Variants in ZNF777 observed in about 807,000 individuals in gnomAD.
ZNF777 encodes zinc finger protein 777.
ZNF777 carries 7 observed loss-of-function variants against 72.1 expected under a neutral mutation model. The observed-to-expected ratio is 0.10, with a 90% CI of 0.06 to 0.18. The LOEUF (loss-of-function observed/expected upper bound fraction) is 0.18, where lower values mean the gene tolerates loss of function less well. Ranked by LOEUF, ZNF777 falls within the 10% of genes least tolerant of loss-of-function variation. The pLI is 1.00. For missense variants in ZNF777, 828 were observed against 1,128.6 expected (o/e 0.73, Z 3.82); for synonymous variants, 545 against 483.5 (o/e 1.13, Z -1.67).
Position 149,432,537 on chromosome 7 carries a change from A to C in ZNF777, c.1735T>G (p.Cys579Gly). The change falls in exon 6 of 6, where the codon TGC becomes GGC. Residue 579 changes from cysteine to glycine, a missense_variant. Cys to Gly is a radical substitution (Grantham distance 159). Around this residue, in one of 12 missense-constraint regions of ZNF777, gnomAD observed 100 missense variants for 106.2 expected, o/e 0.94. Transcript: ENST00000247930. ...TGCTTGTGCCGGAAGCTGATCTCGC[A>C]TTCGGCGCACTCGTAGGGCCCCTCC... ...IKEGPYECAE[C>G]EISFRHKQQL... 1 of 1,613,778 alleles carries C rather than the reference A, an allele frequency of 6.2e-7. No individual in the cohort carries two copies. The highest frequency in any genetic ancestry group is 8.5e-7 in the Non-Finnish European group (1 of 1,179,864).
At chr7:149,448,998 T>C (rs1248328337) in intron 4 of ZNF777, among the ~76,000 whole-genome samples, 1 of 152,242 alleles carries the variant, frequency 6.6e-6, no homozygotes, top group Non-Finnish European at 1.5e-5. Flanking sequence ...TCTGGACTTT[T>C]ACCCCTTTGT....
In ZNF777 at chr7:149,431,471, C is replaced by T; in HGVS notation, c.*305G>A. 1 of 447,052 alleles carries T rather than the reference C, an allele frequency of 2.2e-6. No individual in the cohort carries two copies. Among genetic ancestry groups the T allele is most frequent in the Non-Finnish European group, 4.5e-6 (1 of 223,044 alleles). The allele number at this position is 447,052 out of a possible 1,614,324, so 27.7% of individuals were successfully genotyped here. On this transcript the variant is annotated 3_prime_UTR_variant, in exon 6 of 6. Coordinates refer to ENST00000247930, the MANE Select transcript of ZNF777 (RefSeq NM_015694.3). ...GGCCCTACACCGCCCCTCTGAGTGG[C>T]CGGCGGCCAAATCACGCCCCCCGTG... is the stretch of plus-strand genomic sequence containing the variant.
At position 149,456,184 on chromosome 7, in the gene ZNF777, C is replaced by T. The variant is rs536698506; in HGVS notation, c.-15-147G>A. ...CTCATATGTGAATCTCTTCTAGAGA[C>T]CACAGCACCAATTTAGACATCAATT... On this transcript the variant is annotated intron_variant, in intron 1 of 5. Transcript: ENST00000247930. 1,115 of 731,638 alleles carry T rather than the reference C, an allele frequency of 1.5e-3. 5 individuals carry two copies. Among genetic ancestry groups the T allele is most frequent in the Admixed American group, 2.3e-3 (67 of 29,562 alleles). The allele number at this position is 731,638 out of a possible 1,614,324, so 45.3% of individuals were successfully genotyped here.
chr7:149,457,001 C>T (rs2116610084), intron 1 of ZNF777, among the ~76,000 whole-genome samples: 1 of 152,294 alleles, frequency 6.6e-6, no homozygotes, highest in South Asian at 2.1e-4. Flanking sequence ...GTCTGGGTTC[C>T]ACCCTGGGGT....
rs759497814 is a variant in ZNF777 at position 149,451,099 on chromosome 7, G to A, written c.987C>T (p.Ser329=). 3.0e-5 allele frequency: 48 copies of A among 1,613,806 alleles called. No individual in the cohort carries two copies. Among genetic ancestry groups the A allele is most frequent in the Non-Finnish European group, 4.1e-5 (48 of 1,180,004 alleles). ...CCATCTGTGACATGAGGTCTGGTTTGGAAATTGCATAGTCTAGGCAGAAGA... is the reference window on the plus strand; with the variant it reads ...CCATCTGTGACATGAGGTCTGGTTTAGAAATTGCATAGTCTAGGCAGAAGA... The part of the protein sequence containing the change: ...ESLVSMDYAI[S]KPDLMSQMER... The change falls in exon 4 of 6, where the codon TCC becomes TCT. Residue 329 remains serine (S), a synonymous_variant. Coordinates refer to ENST00000247930, the MANE Select transcript of ZNF777 (RefSeq NM_015694.3).
rs759602320 is a variant in ZNF777 at position 149,455,724 on chromosome 7, T to A, written c.299A>T (p.Gln100Leu). 1.9e-6 allele frequency: 3 copies of A among 1,579,190 alleles called. No homozygotes were observed. Among genetic ancestry groups the A allele is most frequent in the African/African-American group, 1.4e-5 (1 of 73,446 alleles). The change falls in exon 2 of 6, where the codon CAG (glutamine) becomes CTG (leucine). Residue 100 changes from glutamine (Q) to leucine (L), a missense_variant. Physicochemically the swap from Gln to Leu is moderately radical, Grantham distance 113. This residue lies in a region of ZNF777 where 222 missense variants were observed against 211.2 expected (regional missense o/e 1.05). Coordinates refer to ENST00000247930, the MANE Select transcript of ZNF777 (RefSeq NM_015694.3). This position sits in a 1 kb window ranked among gnomAD's most constrained non-coding sequence, Gnocchi z 4.2. ...TGGGGGTGGATACTGGGTCCCTTCC[T>A]GGGAAGCCAGGGGGCCCTGGAGAGA... is the stretch of plus-strand genomic sequence containing the variant. ...ETSLQGPLAS[Q>L]EGTQYPPPAA...
At position 149,455,968 on chromosome 7, in the gene ZNF777, T is replaced by C. The variant is rs1348342262; in HGVS notation, c.55A>G (p.Thr19Ala). Reference sequence around the variant, plus strand: ...AGTCCAGCAGGGGCCTGACGTAAGGTTTCTTCTTGTGGAACACTGGGGAAC... The same window carrying C: ...AGTCCAGCAGGGGCCTGACGTAAGGCTTCTTCTTGTGGAACACTGGGGAAC... ...LSFPSVPQEE[T>A]LRQAPAGLPR... Residue 19 changes from threonine (T) to alanine (A), a missense_variant, in exon 2 of 6, where the codon ACC (threonine) becomes GCC (alanine). Around this residue, in one of 12 missense-constraint regions of ZNF777, gnomAD observed 222 missense variants for 211.2 expected, o/e 1.05. Transcript: ENST00000247930. The surrounding 1 kb of genome is among the most constrained non-coding windows in gnomAD (Gnocchi z 4.2). 5 of 1,610,224 alleles carry C rather than the reference T, an allele frequency of 3.1e-6. No individual in the cohort carries two copies. In the South Asian group the frequency reaches 5.5e-5, roughly 18 times the overall value.
intron 1 of ZNF777, among the ~76,000 whole-genome samples, chr7:149,459,406 C>T (rs1198136873): frequency 1.3e-5 from 2 of 152,230 alleles, no homozygotes; most frequent in African/African-American, 4.8e-5. Context: ...AAAGTTTAGC[C>T]TACGACCTTC....
Position 149,451,237 on chromosome 7 carries a change from G to T in ZNF777, c.974-125C>A. ...CGACTGGAGACCACAATGGAAAACC[G>T]CCAAGTCTCCCCTTCTTTTCCCAAG... On this transcript the variant is annotated intron_variant, in intron 3 of 5. Coordinates refer to ENST00000247930, the MANE Select transcript of ZNF777 (RefSeq NM_015694.3). 6.5e-6 allele frequency: 5 copies of T among 771,912 alleles called. No individual in the cohort carries two copies. The South Asian group carries it at 8.4e-5, about 13-fold the overall frequency. The allele number at this position is 771,912 out of a possible 1,614,324, so 47.8% of individuals were successfully genotyped here.
rs1472417586 is a variant in ZNF777 at position 149,432,169 on chromosome 7, C to T, written c.2103G>A (p.Lys701=). The change falls in exon 6 of 6, where the codon AAG becomes AAA. Residue 701 remains lysine (K), a synonymous_variant. Coordinates refer to ENST00000247930, the MANE Select transcript of ZNF777 (RefSeq NM_015694.3). Reference sequence around the variant, plus strand: ...GCAGGTGCGAGGGGCGGCTGAAGCTCTTGCCGCACAGGCTGCAGATGAAGG... The same window carrying T: ...GCAGGTGCGAGGGGCGGCTGAAGCTTTTGCCGCACAGGCTGCAGATGAAGG... ...EVSFICSLCG[K]SFSRPSHLLR... 1.9e-6 allele frequency: 3 copies of T among 1,603,858 alleles called. No homozygotes were observed. Among genetic ancestry groups the T allele is most frequent in the African/African-American group, 2.7e-5 (2 of 74,532 alleles).
At chr7:149,459,657 G>C in intron 1 of ZNF777, 2 of 985,198 alleles carry the variant, frequency 2.0e-6, no homozygotes, top group Non-Finnish European at 2.4e-6. Context: ...CGGATGCCTT[G>C]CTACGTGACC....
Position 149,451,038 on chromosome 7 carries a change from C to A in ZNF777, c.1048G>T (p.Asp350Tyr). Residue 350 changes from aspartate to tyrosine, a missense_variant, in exon 4 of 6, where the codon GAC becomes TAC. Transcript: ENST00000247930. Reference protein sequence around the residue: ...GERPTMQEQEDSEEGETPTDP... With the variant: ...GERPTMQEQEYSEEGETPTDP... Reference sequence around the variant, plus strand: ...GTCGGCGTTTCGCCCTCCTCAGAGTCTTCCTGCTCCTGCATGGTGGGCCGC... The same window carrying A: ...GTCGGCGTTTCGCCCTCCTCAGAGTATTCCTGCTCCTGCATGGTGGGCCGC... The A allele has an allele frequency of 6.2e-7, 1 of 1,614,034 alleles. No homozygotes were observed.
chr7:149,456,152 T>A (rs891846802), intron 1 of ZNF777, 115 bp from the exon 2 acceptor site: 1 of 1,137,398 alleles, frequency 8.8e-7, no homozygotes, highest in East Asian at 2.5e-5. Flanking sequence ...AGCAATAATA[T>A]GTGCCCCTCA....
intron 4 of ZNF777, among the ~76,000 whole-genome samples, chr7:149,448,623 A>G (rs1799660101): frequency 7.0e-6 from 1 of 143,174 alleles, no homozygotes; most frequent in Non-Finnish European, 1.5e-5. Flanking sequence ...TAAAGAATAC[A>G]TATATATTTT....
At chr7:149,453,035 C>CG (rs1247363877) in intron 3 of ZNF777, among the ~76,000 whole-genome samples, 1 of 152,210 alleles carries the variant, frequency 6.6e-6, no homozygotes, top group Non-Finnish European at 1.5e-5. Flanking sequence ...ACATGGAACA[C>CG]TCTCTATCCC....
At chr7:149,454,075 C>G in intron 3 of ZNF777, 36 bp downstream of exon 3, 1 of 1,612,638 alleles carries the variant, frequency 6.2e-7, no homozygotes, top group Non-Finnish European at 8.5e-7. Context: ...GAGCTGGCGT[C>G]CAGGCAGCCC....
At chr7:149,457,710 G>C in intron 1 of ZNF777, among the ~76,000 whole-genome samples, 1 of 152,258 alleles carries the variant, frequency 6.6e-6, no homozygotes, top group East Asian at 1.9e-4. Flanking sequence ...AGCCTCTGCC[G>C]CGAACCAGAC....
At position 149,436,437 on chromosome 7, in the gene ZNF777, C is replaced by G. The variant is rs1799411571; in HGVS notation, c.1339+138G>C. On this transcript the variant is annotated intron_variant, in intron 5 of 5. Transcript: ENST00000247930. This position sits in a 1 kb window ranked among gnomAD's most constrained non-coding sequence, Gnocchi z 5.0. ...CACGGAGCCTATACTCGAGGCCGTG[C>G]TTGGTAATTCTTTCCCACCTGTTGC... 1.1e-5 allele frequency: 11 copies of G among 1,046,250 alleles called. No individual in the cohort carries two copies. The highest frequency in any genetic ancestry group is 1.6e-5 in the African/African-American group (1 of 63,026). 64.8% of individuals were successfully genotyped at this position (1,046,250 alleles called of 1,614,324 possible). A position where few individuals can be genotyped will look rare whatever the true frequency, so the allele number is the denominator to read the frequency against.
At chr7:149,442,111 G>A (rs1296073288) in intron 4 of ZNF777, among the ~76,000 whole-genome samples, 1 of 151,270 alleles carries the variant, frequency 6.6e-6, no homozygotes, top group African/African-American at 2.4e-5. Flanking sequence ...CAGCTACTCG[G>A]GAGGCTAAGG....
Sources: allele counts gnomAD v4.1 joint callset (sites outside exome capture counted in the v4.1 genomes callset), GRCh38; gene constraint gnomAD v4.1.1; regional missense constraint gnomAD v4.1.1; non-coding constraint Gnocchi (gnomAD v3.1); transcripts MANE v1.5; gene names NCBI Gene and HGNC (gene_info 2026-07-23, HGNC 2026-07-21).